UGT1A7: variants seen among roughly 807,000 people sequenced by gnomAD.
UGT1A7 encodes the protein UDP-glucuronosyltransferase 1A7.
A neutral mutation model predicts 45.6 loss-of-function variants in UGT1A7; 33 were observed. The ratio of observed to expected loss-of-function variants is 0.72; its 90% confidence interval spans 0.55 to 0.97. The LOEUF (loss-of-function observed/expected upper bound fraction) is 0.97. UGT1A7 is among the 50% of genes least tolerant of loss of function. UGT1A7 has a pLI of 0.00. For synonymous variants in UGT1A7, 274 were observed against 250.6 expected (o/e 1.09, Z -0.88); for missense variants, 684 against 666.2 (o/e 1.03, Z -0.29).
Position 233,748,487 on chromosome 2 carries a change from A to G in UGT1A7, c.856-18547A>G, listed in dbSNP as rs58741345. 1.8e-3 allele frequency among the ~76,000 whole-genome samples: 274 copies of G among 151,976 alleles called. 7 individuals carry two copies. The highest frequency in any genetic ancestry group is 6.4e-3 in the African/African-American group (263 of 41,268). On this transcript the variant is annotated intron_variant, in intron 1 of 4. Transcript: ENST00000373426. ...ATGCAACAGCAAATTACAATTGTTAATGTGATAATTTTTAGTGGTCCTGTC... is the reference window on the plus strand; with the variant it reads ...ATGCAACAGCAAATTACAATTGTTAGTGTGATAATTTTTAGTGGTCCTGTC...
At chr2:233,738,796 A>G (rs1559382708) in intron 1 of UGT1A7, among the ~76,000 whole-genome samples, 1 of 152,236 alleles carries the variant, frequency 6.6e-6, no homozygotes, top group Admixed American at 6.5e-5. Flanking sequence ...CAGATGCAGA[A>G]ATACTAGCTA....
In UGT1A7 at chr2:233,740,456, A is replaced by T. The variant is rs1042251699; in HGVS notation, c.856-26578A>T. ...GAAAGTGGAATCAGAGGAGAAGAAG[A>T]TGATGGACAGAAAGGATCATTCCCT... On this transcript the variant is annotated intron_variant, in intron 1 of 4. Transcript: ENST00000373426. 7.2e-5 allele frequency among the ~76,000 whole-genome samples: 11 copies of T among 151,968 alleles called. 1 individual carries two copies. The highest frequency in any genetic ancestry group is 2.4e-4 in the African/African-American group (10 of 41,218).
chr2:233,693,909 C>A, intron 1 of UGT1A7: 1 of 1,612,700 alleles, frequency 6.2e-7, no homozygotes, highest in Non-Finnish European at 8.5e-7. Context: ...TTCTTCCAGG[C>A]TCTGTCCTCC....
rs1007277466 is a variant in UGT1A7 at position 233,747,537 on chromosome 2, A to G, written c.856-19497A>G. On this transcript the variant is annotated intron_variant, in intron 1 of 4. Coordinates refer to ENST00000373426, the MANE Select transcript of UGT1A7 (RefSeq NM_019077.3). ...CTTTGAAACAGAACATTTTCTGAAG[A>G]CATTTTCTAAAAGTATGGCAATTTT... The G allele has an allele frequency of 2.1e-5, 33 of 1,604,828 alleles. No individual in the cohort carries two copies. The Admixed American group carries it at 5.3e-4, about 26-fold the overall frequency.
chr2:233,705,070 A>G (rs1441909473), intron 1 of UGT1A7, among the ~76,000 whole-genome samples: 1 of 151,246 alleles, frequency 6.6e-6, no homozygotes. Flanking sequence ...CGGGAGGCGG[A>G]GGTTGCAGAG....
chr2:233,690,457 A>T (rs1325697308), intron 1 of UGT1A7: 1 of 1,288,132 alleles, frequency 7.8e-7, no homozygotes, highest in East Asian at 5.6e-5. Flanking sequence ...TCAAAATGCC[A>T]GCTATCCTCC....
At chr2:233,716,588 CA>C (rs1029080788) in intron 1 of UGT1A7, among the ~76,000 whole-genome samples, 5 of 152,142 alleles carry the variant, frequency 3.3e-5, no homozygotes. Flanking sequence ...TTTCAAAGAG[CA>C]AAAATTTTAG....
chr2:233,755,210 C>A, intron 1 of UGT1A7: 1 of 1,056,306 alleles, frequency 9.5e-7, no homozygotes, highest in Non-Finnish European at 1.4e-6. Flanking sequence ...GGTACGCCTT[C>A]TTGATACCCT....
chr2:233,693,464 C>A (rs754901282), intron 1 of UGT1A7: 3 of 1,614,126 alleles, frequency 1.9e-6, no homozygotes, highest in East Asian at 2.2e-5. Flanking sequence ...CCCAGCCTTA[C>A]CCTGTGGGGT....
intron 1 of UGT1A7, among the ~76,000 whole-genome samples, chr2:233,717,303 C>T (rs1470939533): frequency 6.6e-6 from 1 of 152,168 alleles, no homozygotes; most frequent in East Asian, 1.9e-4. Context: ...AGCTGAGAAT[C>T]CCTTTCTAGC....
rs562671697 is a variant in UGT1A7, at chr2:233,715,584, C to A, written c.855+32792C>A. On this transcript the variant is annotated intron_variant, in intron 1 of 4. Transcript: ENST00000373426. The stretch of plus-strand genomic sequence containing the variant: ...CCCAGGAGTCTGAGAGCAGCCTGGG[C>A]AACATGCTGAGACTCCATCTCTACA... 7.4e-4 allele frequency among the ~76,000 whole-genome samples: 112 copies of A among 152,108 alleles called. 1 individual carries two copies. Among genetic ancestry groups the A allele is most frequent in the African/African-American group, 2.5e-3 (104 of 41,484 alleles).
Position 233,769,407 on chromosome 2 carries a change from G to C in UGT1A7, c.1295+968G>C. The C allele has an allele frequency of 7.8e-7, 1 of 1,286,632 alleles. No individual in the cohort carries two copies. The highest frequency in any genetic ancestry group is 1.1e-6 in the Non-Finnish European group (1 of 907,224). The allele number at this position is 1,286,632 out of a possible 1,614,324, so 79.7% of individuals were successfully genotyped here. ...ATAGATACTGTGTGCATATGTGCGT[G>C]TGCGTTTGTGCATGTGGCTGTGCTC... On this transcript the variant is annotated intron_variant, in intron 4 of 4. Transcript: ENST00000373426. The surrounding 1 kb of genome is among the most constrained non-coding windows in gnomAD (Gnocchi z 4.4).
At chr2:233,752,262 A>T (rs1694925315) in intron 1 of UGT1A7, 1 of 152,020 alleles carries the variant, frequency 6.6e-6, no homozygotes. Context: ...TGGTCACAGG[A>T]CTCCAGGTCT....
chr2:233,683,334 T>C lies in UGT1A7; in HGVS notation c.855+542T>C, dbSNP rs2074628629. On this transcript the variant is annotated intron_variant, in intron 1 of 4. Coordinates refer to ENST00000373426, the MANE Select transcript of UGT1A7 (RefSeq NM_019077.3). ...CAGATTTGACATGTTCTTTTAATAATTGCATGGTAGTCTTTACTTTGGATG... is the reference window on the plus strand; with the variant it reads ...CAGATTTGACATGTTCTTTTAATAACTGCATGGTAGTCTTTACTTTGGATG... Among the ~76,000 whole-genome samples the C allele has an allele frequency of 2.0e-5, 3 of 152,196 alleles. No homozygotes were observed. The South Asian group carries it at 6.2e-4, about 31-fold the overall frequency.
In UGT1A7 at chr2:233,682,234, G is replaced by A. The variant is rs776939121; in HGVS notation, c.297G>A (p.Thr99=). The A allele has an allele frequency of 1.3e-5, 21 of 1,614,046 alleles. No individual in the cohort carries two copies. Among genetic ancestry groups the A allele is most frequent in the Admixed American group, 1.2e-4 (7 of 59,994 alleles). The stretch of plus-strand genomic sequence containing the variant: ...TGGTTTTTGCCGATGCTCGCTGGAC[G>A]GCACCATTGCGAAGTGCATTTTCTC... ...EFMVFADARW[T]APLRSAFSLL... is the part of the protein sequence containing the mutation. The change falls in exon 1 of 5, where the codon ACG becomes ACA. Residue 99 remains threonine, a synonymous_variant. Transcript: ENST00000373426.
At chr2:233,685,806 T>C (rs1031826413) in intron 1 of UGT1A7, among the ~76,000 whole-genome samples, 3 of 152,228 alleles carry the variant, frequency 2.0e-5, no homozygotes, top group Non-Finnish European at 4.4e-5. Flanking sequence ...TGTTGTCTCA[T>C]CACGAAATAC....
At chr2:233,741,628 C>T (rs1691725357) in intron 1 of UGT1A7, 1 of 151,848 alleles carries the variant, frequency 6.6e-6, no homozygotes, top group Non-Finnish European at 1.5e-5. Context: ...CCCCATGAGC[C>T]CCTGTGGGAT....
At chr2:233,739,849 C>T (rs1691223512) in intron 1 of UGT1A7, among the ~76,000 whole-genome samples, 2 of 151,976 alleles carry the variant, frequency 1.3e-5, no homozygotes, top group Admixed American at 1.3e-4. Context: ...TTGGGATGGG[C>T]CAGAGGGCAG....
At chr2:233,726,564 T>TA (rs1292410166) in intron 1 of UGT1A7, among the ~76,000 whole-genome samples, 1 of 152,188 alleles carries the variant, frequency 6.6e-6, no homozygotes, top group Non-Finnish European at 1.5e-5. Flanking sequence ...CTCCCACTCT[T>TA]ACGCCTGTCT....
Sources: gnomAD v4.1 joint callset for allele counts (sites outside exome capture counted in the v4.1 genomes callset) on GRCh38, gnomAD v4.1.1 for gene constraint, Gnocchi (gnomAD v3.1) non-coding constraint, MANE v1.5 for transcripts, NCBI Gene and HGNC (gene_info 2026-07-23, HGNC 2026-07-21) for gene names.